The following ITGA8 variants were observed in gnomAD, a reference collection of about 807,000 sequenced individuals.
ITGA8 encodes integrin subunit alpha 8.
A neutral mutation model predicts 142.3 loss-of-function variants in ITGA8; 91 were observed. The ratio of observed to expected loss-of-function variants is 0.64; its 90% confidence interval spans 0.54 to 0.76. ITGA8 has a LOEUF of 0.76. Among genes scored for constraint, ITGA8 ranks in the 30% least tolerant of loss-of-function variants. The pLI is 0.00. For missense variants in ITGA8, 1,406 were observed against 1,327.7 expected (o/e 1.06, Z -0.92); for synonymous variants, 505 against 485.2 (o/e 1.04, Z -0.54).
intron 6 of ITGA8, 128 bp from the exon 7 acceptor site, chr10:15,672,877 G>T: frequency 9.7e-7 from 1 of 1,036,230 alleles, no homozygotes; most frequent in Non-Finnish European, 1.3e-6. Flanking sequence ...TTTCCCGCCT[G>T]CCGCTCAAAC....
At position 15,646,630 on chromosome 10, in the gene ITGA8, A is replaced by T. The variant is rs76460451; in HGVS notation, c.1207+216T>A. 5.7e-3 allele frequency among the ~76,000 whole-genome samples: 871 copies of T among 152,310 alleles called. 7 individuals carry two copies. Among genetic ancestry groups the T allele is most frequent in the African/African-American group, 0.02 (832 of 41,566 alleles). On this transcript the variant is annotated intron_variant, in intron 12 of 29. Coordinates refer to ENST00000378076, the MANE Select transcript of ITGA8 (RefSeq NM_003638.3). Reference sequence around the variant, plus strand: ...TAATCTTGTGAGATTTGAAATAAAAATTTTCAGAAAGGTGAGAAGGGAAAT... The same window carrying T: ...TAATCTTGTGAGATTTGAAATAAAATTTTTCAGAAAGGTGAGAAGGGAAAT...
intron 27 of ITGA8, among the ~76,000 whole-genome samples, chr10:15,534,835 G>T (rs994678901): frequency 3.3e-5 from 5 of 152,308 alleles, no homozygotes; most frequent in Non-Finnish European, 5.9e-5. Context: ...GCTCGCTCTC[G>T]GCGCCTCCTC....
chr10:15,718,133 G>A (rs1305092327), intron 2 of ITGA8, among the ~76,000 whole-genome samples: 2 of 152,136 alleles, frequency 1.3e-5, no homozygotes, highest in Non-Finnish European at 2.9e-5. Flanking sequence ...AAACACCAGA[G>A]GAAACGTAAC....
chr10:15,554,348 G>A (rs1833846808), intron 26 of ITGA8, among the ~76,000 whole-genome samples: 2 of 152,164 alleles, frequency 1.3e-5, no homozygotes, highest in Admixed American at 6.5e-5. Context: ...TATGGGGGGA[G>A]GGGCTGTTCA....
At chr10:15,605,523 A>G (rs1415666270) in intron 19 of ITGA8, among the ~76,000 whole-genome samples, 1 of 152,070 alleles carries the variant, frequency 6.6e-6, no homozygotes, top group African/African-American at 2.4e-5. Context: ...CCCAGGCAAA[A>G]TCTTAGGGTG....
chr10:15,572,512 T>C, intron 24 of ITGA8, 143 bp from the exon 25 acceptor site: 1 of 726,778 alleles, frequency 1.4e-6, no homozygotes, highest in Non-Finnish European at 2.1e-6. Flanking sequence ...AATAAGAAAA[T>C]TCAAAGTCGA....
intron 13 of ITGA8, among the ~76,000 whole-genome samples, chr10:15,618,128 G>A (rs1265768440): frequency 6.6e-6 from 1 of 152,194 alleles, no homozygotes; most frequent in African/African-American, 2.4e-5. Flanking sequence ...ACGGAGTCCA[G>A]TGTTCAATAT....
chr10:15,670,895 T>C lies in ITGA8; in HGVS notation c.847+708A>G, dbSNP rs546134366. On this transcript the variant is annotated intron_variant, in intron 8 of 29. Coordinates refer to ENST00000378076, the MANE Select transcript of ITGA8 (RefSeq NM_003638.3). ...AAGCTGAGGTCCTTCAACACCCGCA[T>C]TTTCTACACACCTTAGAATATAGAA... Among the ~76,000 whole-genome samples, 4 of 152,256 alleles carry C rather than the reference T, an allele frequency of 2.6e-5. No individual in the cohort carries two copies. The East Asian group carries it at 7.7e-4, about 29-fold the overall frequency.
At position 15,684,069 on chromosome 10, in the gene ITGA8, A is replaced by C; in HGVS notation, c.503T>G (p.Val168Gly). The C allele has an allele frequency of 6.2e-7, 1 of 1,614,176 alleles. No homozygotes were observed. The part of the protein sequence containing the change: ...TLKPTPEKDP[V>G]GTCYVAIQNF... ...CTGAATTGCTACATAGCAGGTGCCA[A>C]CTGGGTCCTTTTCTGGTGTCGGTTT... The change falls in exon 4 of 30, where the codon GTT becomes GGT. Residue 168 changes from valine to glycine, a missense_variant. Val to Gly is a moderately radical substitution (Grantham distance 109). Coordinates refer to ENST00000378076, the MANE Select transcript of ITGA8 (RefSeq NM_003638.3).
chr10:15,696,167 A>G (rs1028057429), intron 2 of ITGA8, among the ~76,000 whole-genome samples: 3 of 152,256 alleles, frequency 2.0e-5, no homozygotes, highest in Admixed American at 1.3e-4. Context: ...TCAACCCCAC[A>G]GAACGCAAAA....
At chr10:15,594,604 G>C (rs1369957242) in intron 21 of ITGA8, among the ~76,000 whole-genome samples, 1 of 152,082 alleles carries the variant, frequency 6.6e-6, no homozygotes, top group Non-Finnish European at 1.5e-5. Context: ...CCAACATGGT[G>C]AAACCCCATC....
intron 11 of ITGA8, among the ~76,000 whole-genome samples, chr10:15,647,524 G>T (rs536977560): frequency 7.0e-6 from 1 of 143,340 alleles, no homozygotes; most frequent in African/African-American, 2.6e-5. Flanking sequence ...CTGCAGTGGC[G>T]CAATCTCGGC....
At chr10:15,639,634 T>C (rs942127597) in intron 13 of ITGA8, among the ~76,000 whole-genome samples, 1 of 152,188 alleles carries the variant, frequency 6.6e-6, no homozygotes, top group Non-Finnish European at 1.5e-5. Context: ...GGATCTGCAA[T>C]TGATAAACAC....
At chr10:15,519,176 T>C (rs1222771017) in intron 29 of ITGA8, 114 bp downstream of exon 29, 1 of 1,233,700 alleles carries the variant, frequency 8.1e-7, no homozygotes, top group Non-Finnish European at 1.1e-6. Context: ...TTCAGACTGT[T>C]CAAAATTTCC....
At chr10:15,695,132 T>G (rs1835026986) in intron 2 of ITGA8, among the ~76,000 whole-genome samples, 1 of 152,148 alleles carries the variant, frequency 6.6e-6, no homozygotes, top group Non-Finnish European at 1.5e-5. Context: ...TGTAATAACT[T>G]GATTGCAAGT....
At chr10:15,571,774 T>A (rs1235699826) in intron 25 of ITGA8, among the ~76,000 whole-genome samples, 1 of 152,168 alleles carries the variant, frequency 6.6e-6, no homozygotes, top group Non-Finnish European at 1.5e-5. Context: ...CCTTGGCAAA[T>A]TGCCACGGTT....
chr10:15,679,358 G>T (rs745663653), intron 4 of ITGA8, among the ~76,000 whole-genome samples: 1 of 152,110 alleles, frequency 6.6e-6, no homozygotes, highest in South Asian at 2.1e-4. Context: ...GCCAAGGTGC[G>T]CAGATCATGA....
At chr10:15,656,303 G>T (rs916715666) in intron 10 of ITGA8, among the ~76,000 whole-genome samples, 3 of 152,072 alleles carry the variant, frequency 2.0e-5, no homozygotes, top group Non-Finnish European at 4.4e-5. Flanking sequence ...GTCAACAAAA[G>T]CTCCTAAATC....
intron 28 of ITGA8, among the ~76,000 whole-genome samples, chr10:15,529,137 G>A (rs1833241686): frequency 6.6e-6 from 1 of 151,668 alleles, no homozygotes; most frequent in Non-Finnish European, 1.5e-5. Flanking sequence ...CAGGTTGAGT[G>A]CAGTGCATGC....
Sources: allele counts gnomAD v4.1 joint callset (sites outside exome capture counted in the v4.1 genomes callset), GRCh38; gene constraint gnomAD v4.1.1; transcripts MANE v1.5; gene names NCBI Gene and HGNC (gene_info 2026-07-23, HGNC 2026-07-21).